PLXNA3: variants seen among roughly 807,000 people sequenced by gnomAD.
PLXNA3 encodes plexin-A3.
Under a neutral mutation model 118.8 loss-of-function variants are expected in PLXNA3, and 52 were observed. The observed-to-expected ratio is 0.44, with a 90% confidence interval of 0.35 to 0.55. The LOEUF (loss-of-function observed/expected upper bound fraction) is 0.55. Among genes scored for constraint, PLXNA3 ranks in the 20% least tolerant of loss-of-function variants. The pLI, the probability that PLXNA3 is intolerant of heterozygous loss-of-function variation, is 0.01. For missense variants in PLXNA3, 1,660 were observed against 1,730.8 expected (o/e 0.96, Z 0.73); for synonymous variants, 925 against 762.4 (o/e 1.21, Z -3.51).
rs781806360 is a variant in PLXNA3 at position 154,467,653 on chromosome X, G to C, written c.3550G>C (p.Asp1184His). 1.4e-5 allele frequency: 17 copies of C among 1,208,392 alleles called. No homozygotes were observed. Among genetic ancestry groups the C allele is most frequent in the Non-Finnish European group, 1.9e-5 (17 of 894,864 alleles). The change falls in exon 20 of 33, where the codon GAC (aspartate) becomes CAC (histidine). Residue 1184 changes from aspartate to histidine, a missense_variant. This residue lies in a region of PLXNA3 where 869 missense variants were observed against 1,078.7 expected (regional missense o/e 0.81). Coordinates refer to ENST00000369682, the MANE Select transcript of PLXNA3 (RefSeq NM_017514.5). ...TGTCTCGGACACACAACTCCTGTGC[G>C]ACTCACCCAGCCAGACTGGCCGGCA... ...LTVSDTQLLC[D>H]SPSQTGRQPV...
chrX:154,461,902 CAACA>C (rs2068971920), intron 3 of PLXNA3, among the ~76,000 whole-genome samples: 1 of 112,275 alleles, frequency 8.9e-6, no homozygotes, highest in African/African-American at 3.2e-5. Flanking sequence ...TGTCTTGAGC[CAACA>C]AGAGTCTTGT....
chrX:154,477,250 A>C lies in PLXNA3; in HGVS notation c.*4565A>C, dbSNP rs12853946. 8.9e-6 allele frequency: 1 copy of C among 112,589 alleles called. No individual in the cohort carries two copies. The highest frequency in any genetic ancestry group is 1.9e-5 in the Non-Finnish European group (1 of 53,315). 9.3% of individuals were successfully genotyped at this position (112,589 alleles called of 1,213,427 possible). On this transcript the variant is annotated 3_prime_UTR_variant, in exon 33 of 33. Transcript: ENST00000369682. ...GAGCTGCTCTGGTCCCACACAGCAC[A>C]TCTTCAAAGCAAGACTCAAAAGGAT...
At chrX:154,463,022 C>T (rs1304394916) in intron 4 of PLXNA3, among the ~76,000 whole-genome samples, 3 of 111,337 alleles carry the variant, frequency 2.7e-5, no homozygotes, top group Middle Eastern at 4.6e-3. Flanking sequence ...TTTGTAGCAG[C>T]TTTGTTGAAC....
In PLXNA3 at chrX:154,466,703, A is replaced by G. The variant is rs1235903086; in HGVS notation, c.3017A>G (p.Asp1006Gly). ...CAGGCCCCCATCACACTTGCCATTG[A>G]CCGGGCTAACATCTCCAGCCCCGGG... ...PSQAPITLAIDRANISSPGLI... is the reference protein window; with the variant it reads ...PSQAPITLAIGRANISSPGLI... The change falls in exon 17 of 33, where the codon GAC becomes GGC. Residue 1006 changes from aspartate (D) to glycine (G), a missense_variant. Coordinates refer to ENST00000369682, the MANE Select transcript of PLXNA3 (RefSeq NM_017514.5). 1 of 1,198,636 alleles carries G rather than the reference A, an allele frequency of 8.3e-7. No homozygotes were observed. Among genetic ancestry groups the G allele is most frequent in the South Asian group, 1.8e-5 (1 of 55,200 alleles).
rs374010586 is a variant in PLXNA3, at chrX:154,460,796, T to C, written c.594+19T>C. The C allele has an allele frequency of 7.0e-5, 73 of 1,040,289 alleles. No individual in the cohort carries two copies. The highest frequency in any genetic ancestry group is 8.7e-5 in the Non-Finnish European group (68 of 784,804). 85.7% of individuals were successfully genotyped at this position (1,040,289 alleles called of 1,213,427 possible). On this transcript the variant is annotated intron_variant, in intron 2 of 32. Coordinates refer to ENST00000369682, the MANE Select transcript of PLXNA3 (RefSeq NM_017514.5). ...CAGTCTCGTGCGTGAGCCTTCCTTC[T>C]CTTCTTCCTCCACCCAGTCCTGGCT...
intron 1 of PLXNA3, among the ~76,000 whole-genome samples, 195 bp downstream of exon 1, chrX:154,458,623 C>T: frequency 8.9e-6 from 1 of 112,678 alleles, no homozygotes; most frequent in Middle Eastern, 4.6e-3. Context: ...AAAGAGGACC[C>T]TTTGTCGCAG....
chrX:154,461,936 C>T (rs1016762321), intron 3 of PLXNA3, among the ~76,000 whole-genome samples, 192 bp from the exon 4 acceptor site: 4 of 112,364 alleles, frequency 3.6e-5, no homozygotes, highest in Admixed American at 9.4e-5. Flanking sequence ...CTTCGCTCCT[C>T]GCTCCCTGCT....
At chrX:154,466,571 G>A in intron 16 of PLXNA3, 52 bp from the exon 17 acceptor site, 1 of 1,190,295 alleles carries the variant, frequency 8.4e-7, no homozygotes, top group Non-Finnish European at 1.1e-6. Context: ...GTGGGGACGG[G>A]TGGCTGAGGG....
At chrX:154,462,773 T>C (rs1476478907) in intron 4 of PLXNA3, among the ~76,000 whole-genome samples, 6 of 110,992 alleles carry the variant, frequency 5.4e-5, no homozygotes, top group African/African-American at 2.0e-4. Context: ...CTGAAGCTGC[T>C]TCCATTGGGG....
chrX:154,469,213 T>C lies in PLXNA3; in HGVS notation c.4592T>C (p.Leu1531Pro). 8.3e-7 allele frequency: 1 copy of C among 1,209,132 alleles called. No homozygotes were observed. Among genetic ancestry groups the C allele is most frequent in the Non-Finnish European group, 1.1e-6 (1 of 893,872 alleles). The change falls in exon 26 of 33, where the codon CTG (leucine) becomes CCG (proline). Residue 1531 changes from leucine (L) to proline (P), a missense_variant and splice_region_variant. By Grantham distance (98) the Leu-to-Pro change is moderately conservative. Coordinates refer to ENST00000369682, the MANE Select transcript of PLXNA3 (RefSeq NM_017514.5). ...CGTCCCAAAGCTGAGGACATGGACC[T>C]GGGTGAGGTCCCCACCCTCTCCTCC... The part of the protein sequence containing the change: ...SQRPKAEDMD[L>P]EWRQGRMTRI...
At chrX:154,459,061 CTT>C (rs1250565148) in intron 1 of PLXNA3, among the ~76,000 whole-genome samples, 2 of 111,571 alleles carry the variant, frequency 1.8e-5, no homozygotes, top group African/African-American at 6.5e-5. Context: ...TGAGCTGAAA[CTT>C]TGCAGTTTCA....
In PLXNA3 at chrX:154,467,477, G is replaced by T. The variant is rs781834815; in HGVS notation, c.3441+6G>T. ...GCTCCCACGTGGTGCTGAAGGTGCG[G>T]GCGGGGTGGGGGCGGGGAGGGGCGG... is the stretch of plus-strand genomic sequence containing the variant. On this transcript the variant is annotated splice_donor_region_variant and intron_variant, in intron 19 of 32. Transcript: ENST00000369682. The T allele has an allele frequency of 8.6e-7, 1 of 1,158,652 alleles. No homozygotes were observed. The highest frequency in any genetic ancestry group is 1.8e-5 in the African/African-American group (1 of 55,811).
chrX:154,461,996 G>C (rs1453982462), intron 3 of PLXNA3, 132 bp from the exon 4 acceptor site: 12 of 529,009 alleles, frequency 2.3e-5, no homozygotes, highest in East Asian at 1.5e-4. Flanking sequence ...GAGCACCCTA[G>C]GGCGAGCAGT....
Position 154,466,210 on chromosome X carries a change from G to C in PLXNA3, c.2739G>C (p.Leu913=). ...VPSPPPGPVE[L]CVGDCSADFR... ...GCCCGCCGCCGGGGCCCGTGGAGCT[G>C]TGTGTGGGTGACTGTTCAGCCGACT... The change falls in exon 15 of 33, where the codon CTG becomes CTC. Residue 913 remains leucine, a synonymous_variant. Transcript: ENST00000369682. The C allele has an allele frequency of 8.3e-7, 1 of 1,209,534 alleles. No homozygotes were observed. Among genetic ancestry groups the C allele is most frequent in the Non-Finnish European group, 1.1e-6 (1 of 895,372 alleles).
At chrX:154,460,067 G>A in intron 1 of PLXNA3, 90 bp from the exon 2 acceptor site, 2 of 498,669 alleles carry the variant, frequency 4.0e-6, no homozygotes, top group East Asian at 3.5e-5. Flanking sequence ...CTGTCACGGT[G>A]GCCATCTGGG....
In PLXNA3 at chrX:154,465,098, C is replaced by A. The variant is rs2069055901; in HGVS notation, c.2124C>A (p.Asn708Lys). Residue 708 changes from asparagine (N) to lysine (K), a missense_variant, in exon 11 of 33, where the codon AAC becomes AAA. Asn to Lys is a moderately conservative substitution (Grantham distance 94, BLOSUM62 0). Around this residue, in one of 2 missense-constraint regions of PLXNA3, gnomAD observed 791 missense variants for 652.1 expected, o/e 1.21. Coordinates refer to ENST00000369682, the MANE Select transcript of PLXNA3 (RefSeq NM_017514.5). ...AGCCTCTTACCTTGCGGGCTAAGAA[C>A]CTACCTCAGCCGCAGTCGGGCCAGA... ...VMQPLTLRAK[N>K]LPQPQSGQKN... is the part of the protein sequence containing the mutation. 3 of 1,210,236 alleles carry A rather than the reference C, an allele frequency of 2.5e-6. No homozygotes were observed. The East Asian group carries it at 8.9e-5, about 36-fold the overall frequency.
chrX:154,463,427 G>A lies in PLXNA3; in HGVS notation c.1354G>A (p.Glu452Lys). The A allele has an allele frequency of 8.3e-7, 1 of 1,210,331 alleles. No homozygotes were observed. The highest frequency in any genetic ancestry group is 1.8e-5 in the South Asian group (1 of 56,903). The change falls in exon 5 of 33, where the codon GAG becomes AAG. Residue 452 changes from glutamate (E) to lysine (K), a missense_variant. This residue lies in a region of PLXNA3 where 791 missense variants were observed against 652.1 expected (regional missense o/e 1.21). Transcript: ENST00000369682. The part of the protein sequence containing the change: ...VDGFQDAHLY[E>K]TVPVVDGSPI... ...TGGCTTCCAGGATGCCCACCTGTAT[G>A]AGACAGTCCCCGTGGTGGATGGCAG...
intron 4 of PLXNA3, 72 bp from the exon 5 acceptor site, chrX:154,463,319 G>A (rs1015627400): frequency 2.8e-5 from 34 of 1,195,203 alleles, no homozygotes; most frequent in Non-Finnish European, 3.2e-5. Context: ...AACCTCCAAA[G>A]TCTTTGGCTG....
chrX:154,463,210 C>T (rs1255670931), intron 4 of PLXNA3, among the ~76,000 whole-genome samples, 181 bp from the exon 5 acceptor site: 1 of 110,822 alleles, frequency 9.0e-6, no homozygotes, highest in Non-Finnish European at 1.9e-5. Flanking sequence ...CTTCTGTTTG[C>T]TGAGGGCATT....
Sources: allele counts gnomAD v4.1 joint callset (sites outside exome capture counted in the v4.1 genomes callset), GRCh38; gene constraint gnomAD v4.1.1; regional missense constraint gnomAD v4.1.1; transcripts MANE v1.5; gene names NCBI Gene and HGNC (gene_info 2026-07-23, HGNC 2026-07-21).